Variants in PCDHA6 observed in about 807,000 individuals in gnomAD.
PCDHA6 encodes protocadherin alpha 6, also known as protocadherin alpha-6.
A neutral mutation model predicts 60.3 loss-of-function variants in PCDHA6; 55 were observed. The ratio of observed to expected loss-of-function variants is 0.91; its 90% CI spans 0.73 to 1.14. PCDHA6 has a LOEUF of 1.14. Ranked by LOEUF, PCDHA6 falls within the 50% of genes most tolerant of loss-of-function variation. PCDHA6 has a pLI of 0.00. For missense variants in PCDHA6, 1,327 were observed against 1,256.5 expected (o/e 1.06, Z -0.85); for synonymous variants, 652 against 557.9 (o/e 1.17, Z -2.38).
chr5:140,945,813 C>T (rs10477097), intron 1 of PCDHA6, among the ~76,000 whole-genome samples: 2 of 152,084 alleles, frequency 1.3e-5, no homozygotes, highest in East Asian at 3.8e-4. Flanking sequence ...TTATCTCACA[C>T]TGTATACAAA....
At chr5:140,896,555 T>C (rs2065621728) in intron 1 of PCDHA6, among the ~76,000 whole-genome samples, 1 of 151,910 alleles carries the variant, frequency 6.6e-6, no homozygotes, top group African/African-American at 2.4e-5. Context: ...TTTTGTATTT[T>C]AAGTAGAGAT....
At chr5:140,882,131 C>A (rs1236835670) in intron 1 of PCDHA6, 2 of 1,475,734 alleles carry the variant, frequency 1.4e-6, no homozygotes, top group South Asian at 1.4e-5. Context: ...TTTCTTCCTG[C>A]AGAAAATATA....
At chr5:140,926,557 C>G (rs2083347198) in intron 1 of PCDHA6, 1 of 241,254 alleles carries the variant, frequency 4.1e-6, no homozygotes. Context: ...GACCCCAGCC[C>G]GCTGCTACTG....
rs539970308 is a variant in PCDHA6 at position 140,890,959 on chromosome 5, G to GGTTTT, written c.2394+60480_2394+60484dup. 2.6e-4 allele frequency among the ~76,000 whole-genome samples: 40 copies of GGTTTT among 152,148 alleles called. 1 individual carries two copies. In the South Asian group the frequency reaches 8.1e-3, roughly 31 times the overall value. On this transcript the variant is annotated intron_variant, in intron 1 of 3. Transcript: ENST00000529310. ...AAGATGCTGGTGAGGAATGATTTCAGGTTTTGTTTTTCTGAAAATGTCTTT... is the reference window on the plus strand; with the variant it reads ...AAGATGCTGGTGAGGAATGATTTCAGGTTTTGTTTTGTTTTTCTGAAAATGTCTTT...
rs75032728 is a variant in PCDHA6 at position 140,932,740 on chromosome 5, T to C, written c.2395-46209T>C. On this transcript the variant is annotated intron_variant, in intron 1 of 3. Coordinates refer to ENST00000529310, the MANE Select transcript of PCDHA6 (RefSeq NM_018909.4). The stretch of plus-strand genomic sequence containing the variant: ...ATATTGTATAATATAGACCCTCAAA[T>C]CAGTAAAAAGGAAAGAAAAAGAACA... 5.5e-3 allele frequency among the ~76,000 whole-genome samples: 829 copies of C among 151,670 alleles called. 4 individuals carry two copies. The highest frequency in any genetic ancestry group is 0.019 in the African/African-American group (798 of 41,410).
intron 1 of PCDHA6, among the ~76,000 whole-genome samples, chr5:140,881,010 T>C (rs782629592): frequency 5.3e-5 from 8 of 152,198 alleles, no homozygotes; most frequent in South Asian, 4.1e-4. Flanking sequence ...AGCAGAGCTA[T>C]GGAAATAAAC....
chr5:140,863,639 A>C, intron 1 of PCDHA6: 2 of 305,014 alleles, frequency 6.6e-6, no homozygotes, highest in South Asian at 6.1e-5. Context: ...ATGTTCACCA[A>C]GTTATTAATT....
intron 1 of PCDHA6, among the ~76,000 whole-genome samples, chr5:140,913,494 T>C (rs1554195964): frequency 6.6e-6 from 1 of 152,116 alleles, no homozygotes; most frequent in Non-Finnish European, 1.5e-5. Flanking sequence ...CATTAGTCTG[T>C]TTAAAACTTT....
intron 3 of PCDHA6, among the ~76,000 whole-genome samples, chr5:140,998,586 CAG>C (rs1340236276): frequency 1.4e-5 from 2 of 147,292 alleles, no homozygotes; most frequent in African/African-American, 5.1e-5. Context: ...TTTTTTGAGA[CAG>C]AGTTTTGCTC....
intron 1 of PCDHA6, chr5:140,848,680 G>A: frequency 1.9e-6 from 3 of 1,592,366 alleles, no homozygotes; most frequent in East Asian, 2.2e-5. Context: ...CTGGTGCCGC[G>A]CCTGTTCCAG....
rs1169981457 is a variant in PCDHA6, at chr5:140,955,139, G to GT, written c.2395-23805dup. ...TTCTGTTCCACTGGTCTACACGTCT[G>GT]TTTTTGTACCAGTACCGTGCTGTTT... On this transcript the variant is annotated intron_variant, in intron 1 of 3. Coordinates refer to ENST00000529310, the MANE Select transcript of PCDHA6 (RefSeq NM_018909.4). Among the ~76,000 whole-genome samples the GT allele has an allele frequency of 2.0e-5, 3 of 152,138 alleles. No homozygotes were observed. The East Asian group carries it at 5.8e-4, about 29-fold the overall frequency.
intron 3 of PCDHA6, among the ~76,000 whole-genome samples, chr5:141,000,387 CTCTCTCTCTATATA>C (rs1446529556): frequency 4.5e-4 from 30 of 66,870 alleles, no homozygotes; most frequent in African/African-American, 1.4e-3. Flanking sequence ...CTCTCTCTCT[CTCTCTCTCTATATA>C]TATATATATA....
At chr5:140,838,675 C>A (rs1006431084) in intron 1 of PCDHA6, among the ~76,000 whole-genome samples, 8 of 152,016 alleles carry the variant, frequency 5.3e-5, no homozygotes, top group Admixed American at 1.3e-4. Flanking sequence ...GTGGCACACA[C>A]CTTTAACCCC....
intron 1 of PCDHA6, chr5:140,969,475 C>A: frequency 1.4e-6 from 2 of 1,476,386 alleles, no homozygotes; most frequent in South Asian, 1.4e-5. Context: ...ACAATTTGAT[C>A]ATAATCTGCT....
chr5:140,855,917 G>A, intron 1 of PCDHA6: 1 of 1,202,824 alleles, frequency 8.3e-7, no homozygotes, highest in South Asian at 1.6e-5. Flanking sequence ...TCAAGGACTA[G>A]GAAGTAGCGT....
At chr5:140,860,225 A>C (rs2046280777) in intron 1 of PCDHA6, 1 of 151,528 alleles carries the variant, frequency 6.6e-6, no homozygotes, top group South Asian at 2.1e-4. Flanking sequence ...ATGTATATAT[A>C]AGCCAGGCAT....
chr5:140,882,818 A>G, intron 1 of PCDHA6: 1 of 1,614,226 alleles, frequency 6.2e-7, no homozygotes, highest in Non-Finnish European at 8.5e-7. Flanking sequence ...GGACGCACAA[A>G]ACAGTCTTGA....
rs2150181122 is a variant in PCDHA6 at position 140,830,100 on chromosome 5, T to C, written c.2009T>C (p.Val670Ala). 6.2e-7 allele frequency: 1 copy of C among 1,613,448 alleles called. No homozygotes were observed. The highest frequency in any genetic ancestry group is 1.7e-5 in the Admixed American group (1 of 59,986). The change falls in exon 1 of 4, where the codon GTG becomes GCG. Residue 670 changes from valine to alanine, a missense_variant. By Grantham distance (64) the Val-to-Ala change is moderately conservative. Coordinates refer to ENST00000529310, the MANE Select transcript of PCDHA6 (RefSeq NM_018909.4). ...ACGGCCACGGTTCTGGTGTCGCTGG[T>C]GGAGAGTGGCCAGGCTCCAAAGGCG... The part of the protein sequence containing the change: ...TATATVLVSL[V>A]ESGQAPKASS...
intron 1 of PCDHA6, chr5:140,883,596 TG>T (rs1562791192): frequency 7.4e-6 from 12 of 1,613,794 alleles, no homozygotes; most frequent in Non-Finnish European, 1.0e-5. Context: ...AGCGTGTCGG[TG>T]GGGGTGGCCG....
Sources: allele counts gnomAD v4.1 joint callset (sites outside exome capture counted in the v4.1 genomes callset), GRCh38; gene constraint gnomAD v4.1.1; transcripts MANE v1.5; gene names NCBI Gene and HGNC (gene_info 2026-07-23, HGNC 2026-07-21).